DLGAP3: variants seen among roughly 807,000 people sequenced by gnomAD.
The protein encoded by DLGAP3 is disks large-associated protein 3.
In DLGAP3, 17 loss-of-function variants were observed where a neutral mutation model predicts 81.2. The ratio of observed to expected loss-of-function variants is 0.21; its 90% CI spans 0.14 to 0.31. The LOEUF (loss-of-function observed/expected upper bound fraction) is 0.31, where lower values mean the gene tolerates loss of function less well. Ranked by LOEUF, DLGAP3 falls within the 10% of genes least tolerant of loss-of-function variation. DLGAP3 has a pLI of 1.00. For synonymous variants in DLGAP3, 577 were observed against 587.4 expected, an observed-to-expected ratio of 0.98 and a Z score of 0.26; for missense variants, 1,124 against 1,388.0, an observed-to-expected ratio of 0.81 and a Z score of 3.02.
rs1312851288 is a variant in DLGAP3 at position 34,929,258 on chromosome 1, C to T, written c.-135+193G>A. ...CCCCTGCCCGCCCCTCGGGTCGGGCCCGCGGGCAGCCAGGCCGGGGCAGGA... is the reference window on the plus strand; with the variant it reads ...CCCCTGCCCGCCCCTCGGGTCGGGCTCGCGGGCAGCCAGGCCGGGGCAGGA... On this transcript the variant is annotated intron_variant, in intron 1 of 11. Transcript: ENST00000373347. This position sits in a 1 kb window ranked among gnomAD's most constrained non-coding sequence, Gnocchi z 6.5. 6.6e-6 allele frequency among the ~76,000 whole-genome samples: 1 copy of T among 151,360 alleles called. No homozygotes were observed. Among genetic ancestry groups the T allele is most frequent in the East Asian group, 2.0e-4 (1 of 5,106 alleles).
rs747280130 is a variant in DLGAP3 at position 34,866,226 on chromosome 1, G to A, written c.2797C>T (p.Leu933=). The A allele has an allele frequency of 6.3e-7, 1 of 1,586,912 alleles. No homozygotes were observed. Among genetic ancestry groups the A allele is most frequent in the East Asian group, 2.3e-5 (1 of 43,622 alleles). The change falls in exon 12 of 12, where the codon CTG becomes TTG. Residue 933 remains leucine, a synonymous_variant. Transcript: ENST00000373347. ...TGCCGCTGCCGGTCCACGGAGTCCA[G>A]GGAGCGCTCCTTCACCGGCACGCCC... ...GRGVPVKERS[L]DSVDRQRQEA...
chr1:34,884,004 A>C lies in DLGAP3; in HGVS notation c.2000+974T>G, dbSNP rs918743875. 2.0e-5 allele frequency among the ~76,000 whole-genome samples: 3 copies of C among 151,952 alleles called. 1 individual carries two copies. Among genetic ancestry groups the C allele is most frequent in the African/African-American group, 7.3e-5 (3 of 41,244 alleles). On this transcript the variant is annotated intron_variant, in intron 8 of 11. Coordinates refer to ENST00000373347, the MANE Select transcript of DLGAP3 (RefSeq NM_001080418.3). Reference sequence around the variant, plus strand: ...TGCAATCTCAGCTCGCTGCAACCTCAGGCTCCTGGGTTCAACCAATTCTCA... The same window carrying C: ...TGCAATCTCAGCTCGCTGCAACCTCCGGCTCCTGGGTTCAACCAATTCTCA...
intron 5 of DLGAP3, 72 bp from the exon 6 acceptor site, chr1:34,886,357 C>T: frequency 7.1e-7 from 1 of 1,413,122 alleles, no homozygotes; most frequent in Non-Finnish European, 9.5e-7. Flanking sequence ...GGTGCTCTGC[C>T]TTAGGGGAAG....
Position 34,904,264 on chromosome 1 carries a change from A to C in DLGAP3, c.1107+13T>G. 1.2e-6 allele frequency: 2 copies of C among 1,601,190 alleles called. No individual in the cohort carries two copies. The highest frequency in any genetic ancestry group is 1.7e-6 in the Non-Finnish European group (2 of 1,179,854). ...GCTAAGGACTCTGTTCCCCAACCCCAAAAAAGCCTCACCTGCAGATAGTGA... is the reference window on the plus strand; with the variant it reads ...GCTAAGGACTCTGTTCCCCAACCCCCAAAAAGCCTCACCTGCAGATAGTGA... On this transcript the variant is annotated intron_variant, in intron 3 of 11. Coordinates refer to ENST00000373347, the MANE Select transcript of DLGAP3 (RefSeq NM_001080418.3). This position sits in a 1 kb window ranked among gnomAD's most constrained non-coding sequence, Gnocchi z 8.1.
chr1:34,866,786 C>CG (rs895082124), intron 11 of DLGAP3, among the ~76,000 whole-genome samples: 3 of 151,484 alleles, frequency 2.0e-5, no homozygotes, highest in Admixed American at 2.0e-4. Flanking sequence ...CCGCCGCCAC[C>CG]CCCCCAACCC....
chr1:34,918,886 T>C (rs1639759412), intron 1 of DLGAP3, among the ~76,000 whole-genome samples: 1 of 152,098 alleles, frequency 6.6e-6, no homozygotes, highest in African/African-American at 2.4e-5. Context: ...TGAAAGGAGC[T>C]AGGGCCGGGG....
chr1:34,890,123 C>T (rs1162813163), intron 5 of DLGAP3, among the ~76,000 whole-genome samples: 1 of 152,140 alleles, frequency 6.6e-6, no homozygotes, highest in Non-Finnish European at 1.5e-5. Context: ...GGAAAAGAGG[C>T]AAATCCCCTA....
intron 1 of DLGAP3, among the ~76,000 whole-genome samples, chr1:34,908,497 T>C (rs1346923842): frequency 6.6e-6 from 1 of 151,668 alleles, no homozygotes; most frequent in East Asian, 1.9e-4. Context: ...AGACAGGAAA[T>C]GGCAAATAGT....
chr1:34,883,873 T>C (rs991969906), intron 8 of DLGAP3, among the ~76,000 whole-genome samples: 1 of 151,920 alleles, frequency 6.6e-6, no homozygotes, highest in Admixed American at 6.6e-5. Flanking sequence ...GGACAGCAAC[T>C]GGGAACAGAG....
chr1:34,922,909 T>C (rs1245333001), intron 1 of DLGAP3, among the ~76,000 whole-genome samples: 1 of 152,036 alleles, frequency 6.6e-6, no homozygotes, highest in African/African-American at 2.4e-5. Context: ...ATATACCCAC[T>C]CCTGGACACA....
chr1:34,919,030 T>C (rs961196206), intron 1 of DLGAP3, among the ~76,000 whole-genome samples: 1 of 152,038 alleles, frequency 6.6e-6, no homozygotes, highest in African/African-American at 2.4e-5. Context: ...GTCGTTGCCA[T>C]GACACCGCGG....
At chr1:34,875,123 G>T (rs1639032102) in intron 8 of DLGAP3, among the ~76,000 whole-genome samples, 1 of 152,152 alleles carries the variant, frequency 6.6e-6, no homozygotes, top group Non-Finnish European at 1.5e-5. Context: ...GCTTCTTATT[G>T]CTTTTGCAGG....
At chr1:34,901,338 G>A (rs1382525635) in intron 3 of DLGAP3, among the ~76,000 whole-genome samples, 2 of 152,096 alleles carry the variant, frequency 1.3e-5, no homozygotes, top group Admixed American at 1.3e-4. Context: ...AGGGGTAGGA[G>A]GGAAGTCAGG....
At chr1:34,879,435 C>G (rs1639112617) in intron 8 of DLGAP3, among the ~76,000 whole-genome samples, 1 of 152,160 alleles carries the variant, frequency 6.6e-6, no homozygotes, top group South Asian at 2.1e-4. Flanking sequence ...GGAGCTCAGG[C>G]AGTAATGCTC....
chr1:34,885,609 G>T lies in DLGAP3; in HGVS notation c.1783C>A (p.Leu595Met). 6.3e-7 allele frequency: 1 copy of T among 1,580,652 alleles called. No homozygotes were observed. Among genetic ancestry groups the T allele is most frequent in the Non-Finnish European group, 8.6e-7 (1 of 1,168,934 alleles). ...LDGPAMGART[L>M]ELAPVPPRAS... ...CGGGGCGGCACCGGCGCCAACTCCA[G>T]TGTGCGCGCACCCATGGCGGGGCCG... Residue 595 changes from leucine (L) to methionine (M), a missense_variant, in exon 7 of 12, where the codon CTG (leucine) becomes ATG (methionine). Physicochemically the swap from Leu to Met is conservative, Grantham distance 15. Coordinates refer to ENST00000373347, the MANE Select transcript of DLGAP3 (RefSeq NM_001080418.3).
At position 34,912,577 on chromosome 1, in the gene DLGAP3, G is replaced by A. The variant is rs116057520; in HGVS notation, c.-134-5140C>T. On this transcript the variant is annotated intron_variant, in intron 1 of 11. Coordinates refer to ENST00000373347, the MANE Select transcript of DLGAP3 (RefSeq NM_001080418.3). ...CAATCCCCTCACCTGGAGCCTATGA[G>A]ATCATCCCCACACCAGTTCCAACAC... is the stretch of plus-strand genomic sequence containing the variant. 7.3e-3 allele frequency among the ~76,000 whole-genome samples: 1,117 copies of A among 152,280 alleles called. 14 individuals are homozygous for A. The highest frequency in any genetic ancestry group is 0.025 in the African/African-American group (1,024 of 41,548).
rs1345685610 is a variant in DLGAP3 at position 34,900,682 on chromosome 1, G to A, written c.1108-409C>T. Among the ~76,000 whole-genome samples the A allele has an allele frequency of 6.6e-6, 1 of 152,170 alleles. No homozygotes were observed. Among genetic ancestry groups the A allele is most frequent in the Non-Finnish European group, 1.5e-5 (1 of 68,032 alleles). On this transcript the variant is annotated intron_variant, in intron 3 of 11. Transcript: ENST00000373347. The surrounding 1 kb of genome is among the most constrained non-coding windows in gnomAD (Gnocchi z 5.6). Reference sequence around the variant, plus strand: ...AATCCTCTCTCCTTCCCCGCTGTGGGGAGCCACAGAGGGCTTCATGCAGGG... The same window carrying A: ...AATCCTCTCTCCTTCCCCGCTGTGGAGAGCCACAGAGGGCTTCATGCAGGG...
chr1:34,900,040 C>G lies in DLGAP3; in HGVS notation c.1313+28G>C, dbSNP rs374351110. On this transcript the variant is annotated intron_variant, in intron 4 of 11. Coordinates refer to ENST00000373347, the MANE Select transcript of DLGAP3 (RefSeq NM_001080418.3). This position sits in a 1 kb window ranked among gnomAD's most constrained non-coding sequence, Gnocchi z 5.6. Reference sequence around the variant, plus strand: ...GAGTCCAGCATCAGCCTCCTGACCCCGCACCCCCCGGCCCTCCCTGTCCTT... The same window carrying G: ...GAGTCCAGCATCAGCCTCCTGACCCGGCACCCCCCGGCCCTCCCTGTCCTT... 14 of 1,598,908 alleles carry G rather than the reference C, an allele frequency of 8.8e-6. No individual in the cohort carries two copies. Among genetic ancestry groups the G allele is most frequent in the Non-Finnish European group, 1.1e-5 (13 of 1,170,730 alleles).
chr1:34,907,849 G>T (rs1639580068), intron 1 of DLGAP3, among the ~76,000 whole-genome samples: 1 of 152,120 alleles, frequency 6.6e-6, no homozygotes, highest in African/African-American at 2.4e-5. Context: ...GTCTAACAGG[G>T]GAACAACCTC....
Sources: allele counts gnomAD v4.1 joint callset (sites outside exome capture counted in the v4.1 genomes callset), GRCh38; gene constraint gnomAD v4.1.1; non-coding constraint Gnocchi (gnomAD v3.1); transcripts MANE v1.5; gene names NCBI Gene and HGNC (gene_info 2026-07-23, HGNC 2026-07-21).